GRIP1: variants seen among roughly 807,000 people sequenced by gnomAD.
The protein encoded by GRIP1 is glutamate receptor interacting protein 1, also known as glutamate receptor-interacting protein 1.
A neutral mutation model predicts 129.9 loss-of-function variants in GRIP1; 45 were observed. The observed-to-expected ratio is 0.35, with a 90% confidence interval of 0.27 to 0.44. The LOEUF is 0.44. Among genes scored for constraint, GRIP1 ranks in the 20% least tolerant of loss-of-function variants. The pLI is 1.00. For missense variants in GRIP1, 1,196 were observed against 1,396.8 expected (o/e 0.86, Z 2.29); for synonymous variants, 530 against 520.8 (o/e 1.02, Z -0.24).
intron 1 of GRIP1, among the ~76,000 whole-genome samples, chr12:66,894,146 C>T (rs1409128576): frequency 6.6e-6 from 1 of 152,216 alleles, no homozygotes; most frequent in African/African-American, 2.4e-5. Flanking sequence ...ACCTCCCTTT[C>T]CTGTTTTATT....
intron 16 of GRIP1, among the ~76,000 whole-genome samples, chr12:66,401,606 A>ATATATATATT (rs2056997697): frequency 7.7e-6 from 1 of 130,512 alleles, no homozygotes; most frequent in African/African-American, 3.1e-5. Flanking sequence ...GTGTATATAT[A>ATATATATATT]TATACACACA....
At chr12:66,650,305 A>G (rs537570762) in intron 1 of GRIP1, among the ~76,000 whole-genome samples, 1 of 152,306 alleles carries the variant, frequency 6.6e-6, no homozygotes, top group East Asian at 1.9e-4. Context: ...GGGGGAGACA[A>G]GAAGCACCAT....
chr12:66,651,592 C>A (rs531161064), intron 1 of GRIP1, among the ~76,000 whole-genome samples: 1 of 152,168 alleles, frequency 6.6e-6, no homozygotes, highest in Non-Finnish European at 1.5e-5. Flanking sequence ...CACTTTAATA[C>A]ACCATGGCTA....
chr12:66,480,706 AAACAGAGATATAGACCAATGG>A (rs752241477), intron 7 of GRIP1, among the ~76,000 whole-genome samples: 4 of 152,252 alleles, frequency 2.6e-5, no homozygotes, highest in Non-Finnish European at 5.9e-5. Context: ...ACTGGTATCA[AAACAGAGATATAGACCAATGG>A]AACAGAACAG....
intron 1 of GRIP1, among the ~76,000 whole-genome samples, chr12:67,015,092 G>A (rs919601093): frequency 4.6e-5 from 7 of 152,104 alleles, no homozygotes; most frequent in Non-Finnish European, 7.4e-5. Context: ...ATGACTTTTT[G>A]AAGGGTATAG....
chr12:66,472,895 C>T (rs552530492), intron 7 of GRIP1, among the ~76,000 whole-genome samples: 12 of 152,296 alleles, frequency 7.9e-5, no homozygotes, highest in Non-Finnish European at 1.5e-4. Flanking sequence ...CAAAACTGGG[C>T]GGCCACTTGG....
At chr12:66,601,638 G>A (rs528239480) in intron 1 of GRIP1, among the ~76,000 whole-genome samples, 1 of 152,282 alleles carries the variant, frequency 6.6e-6, no homozygotes, top group African/African-American at 2.4e-5. Context: ...TGCTAAGCCA[G>A]CAGACCCCCT....
intron 1 of GRIP1, among the ~76,000 whole-genome samples, chr12:66,677,553 T>C (rs570781397): frequency 1.3e-5 from 2 of 152,298 alleles, no homozygotes; most frequent in East Asian, 3.9e-4. Flanking sequence ...GTACCAATTG[T>C]AGAGGATAAA....
At position 66,535,997 on chromosome 12, in the gene GRIP1, A is replaced by C. The variant is rs553525523; in HGVS notation, c.418+3081T>G. On this transcript the variant is annotated intron_variant, in intron 4 of 24. Coordinates refer to ENST00000359742, the MANE Select transcript of GRIP1 (RefSeq NM_001366722.1). ...TTTCCCTCACAAATCAGCTCTGCCC[A>C]CATTCTTATCCATTCCTGTTAACGG... Among the ~76,000 whole-genome samples, 15 of 152,268 alleles carry C rather than the reference A, an allele frequency of 9.9e-5. No homozygotes were observed. The South Asian group carries it at 2.7e-3, about 27-fold the overall frequency.
chr12:66,353,319 G>A lies in GRIP1; in HGVS notation c.3159+98C>T, dbSNP rs567031845. 73 of 862,592 alleles carry A rather than the reference G, an allele frequency of 8.5e-5. No individual in the cohort carries two copies. In the East Asian group the frequency reaches 1.4e-3, roughly 17 times the overall value. 53.4% of individuals were successfully genotyped at this position (862,592 alleles called of 1,614,324 possible). On this transcript the variant is annotated intron_variant, in intron 24 of 24. Transcript: ENST00000359742. ...TAATCTTGATGACAAAGGCTGAAAG[G>A]GAAAAGAGCAAAGGGCCCCAAATAT...
intron 1 of GRIP1, among the ~76,000 whole-genome samples, chr12:66,794,147 G>A (rs2038628505): frequency 6.6e-6 from 1 of 152,154 alleles, no homozygotes; most frequent in Admixed American, 6.5e-5. Context: ...GTAGTAGATG[G>A]AGAGGAATAG....
intron 15 of GRIP1, among the ~76,000 whole-genome samples, chr12:66,418,769 T>C (rs986681857): frequency 7.9e-5 from 12 of 152,076 alleles, no homozygotes; most frequent in African/African-American, 2.7e-4. Context: ...GTTAAAATGG[T>C]TTTTATCCAA....
intron 23 of GRIP1, among the ~76,000 whole-genome samples, chr12:66,365,296 G>C (rs960906890): frequency 1.3e-5 from 2 of 152,016 alleles, no homozygotes; most frequent in African/African-American, 2.4e-5. Context: ...AATTACCCGG[G>C]CATGGTGGTG....
intron 1 of GRIP1, among the ~76,000 whole-genome samples, chr12:66,990,595 G>A (rs1234381390): frequency 4.6e-5 from 7 of 152,214 alleles, no homozygotes; most frequent in Admixed American, 2.6e-4. Flanking sequence ...ACCTGAGGAA[G>A]GCAATTTATT....
intron 16 of GRIP1, among the ~76,000 whole-genome samples, chr12:66,402,885 G>A (rs949072103): frequency 1.3e-5 from 2 of 152,138 alleles, no homozygotes; most frequent in African/African-American, 4.8e-5. Flanking sequence ...TCTTGATCAA[G>A]GATCAGAACG....
chr12:67,022,951 A>AC (rs2042889874), intron 1 of GRIP1, among the ~76,000 whole-genome samples: 1 of 152,114 alleles, frequency 6.6e-6, no homozygotes, highest in Non-Finnish European at 1.5e-5. Flanking sequence ...TGTTACCCAT[A>AC]TATATTCTTT....
At chr12:66,424,759 T>C (rs1328107764) in intron 14 of GRIP1, among the ~76,000 whole-genome samples, 1 of 152,218 alleles carries the variant, frequency 6.6e-6, no homozygotes, top group Non-Finnish European at 1.5e-5. Flanking sequence ...TGCTTTGTTT[T>C]CTTGTGTTTA....
intron 7 of GRIP1, 132 bp from the exon 8 acceptor site, chr12:66,465,554 T>C (rs1345412166): frequency 2.7e-6 from 2 of 744,474 alleles, no homozygotes; most frequent in Non-Finnish European, 4.6e-6. Context: ...TTTCCCTCCA[T>C]ATAATATCCC....
At chr12:66,369,962 A>G (rs559442470) in intron 23 of GRIP1, among the ~76,000 whole-genome samples, 4 of 152,298 alleles carry the variant, frequency 2.6e-5, no homozygotes, top group African/African-American at 9.6e-5. Flanking sequence ...TCATCCTAAC[A>G]TGTCAGAAAT....
Sources: gnomAD v4.1 joint callset for allele counts (sites outside exome capture counted in the v4.1 genomes callset) on GRCh38, gnomAD v4.1.1 for gene constraint, MANE v1.5 for transcripts, NCBI Gene and HGNC (gene_info 2026-07-23, HGNC 2026-07-21) for gene names.